COL5A1: variants seen among roughly 807,000 people sequenced by gnomAD.
The protein encoded by COL5A1 is collagen type V alpha 1 chain.
A neutral mutation model predicts 263.7 loss-of-function variants in COL5A1; 16 were observed. That is an observed-to-expected ratio of 0.06 (90% CI 0.04 to 0.09). The LOEUF is 0.09. Ranked by LOEUF, COL5A1 falls within the 10% of genes least tolerant of loss-of-function variation. The pLI, the probability that COL5A1 is intolerant of heterozygous loss-of-function variation, is 1.00. For missense variants in COL5A1, 2,036 were observed against 2,540.5 expected (o/e 0.80, Z 4.27); for synonymous variants, 1,012 against 1,004.5 (o/e 1.01, Z -0.14).
At position 134,816,537 on chromosome 9, in the gene COL5A1, C is replaced by T. The variant is rs113243819; in HGVS notation, c.4123-489C>T. ...CCACCTTGCACCCAGCCTGGCCAAGCGCGGGGGACTGCGGACCTGAGGGCA... is the reference window on the plus strand; with the variant it reads ...CCACCTTGCACCCAGCCTGGCCAAGTGCGGGGGACTGCGGACCTGAGGGCA... On this transcript the variant is annotated intron_variant, in intron 52 of 65. Transcript: ENST00000371817. Among the ~76,000 whole-genome samples the T allele has an allele frequency of 1.7e-3, 252 of 152,362 alleles. 2 individuals carry two copies. The highest frequency in any genetic ancestry group is 2.9e-3 in the Non-Finnish European group (195 of 68,034).
Position 134,696,455 on chromosome 9 carries a change from G to A in COL5A1, c.278-3454G>A, listed in dbSNP as rs1373437738. On this transcript the variant is annotated intron_variant, in intron 2 of 65. Coordinates refer to ENST00000371817, the MANE Select transcript of COL5A1 (RefSeq NM_000093.5). This position sits in a 1 kb window ranked among gnomAD's most constrained non-coding sequence, Gnocchi z 4.3. Reference sequence around the variant, plus strand: ...GCCTCCCAAAGTGCTGGGATTACAGGCATGAACCACCTCGCCCAGCCTGCA... The same window carrying A: ...GCCTCCCAAAGTGCTGGGATTACAGACATGAACCACCTCGCCCAGCCTGCA... Among the ~76,000 whole-genome samples, 2 of 152,122 alleles carry A rather than the reference G, an allele frequency of 1.3e-5. No homozygotes were observed. The highest frequency in any genetic ancestry group is 3.9e-4 in the East Asian group (2 of 5,168).
intron 29 of COL5A1, 63 bp from the exon 30 acceptor site, chr9:134,784,926 G>C (rs989088366): frequency 1.5e-6 from 2 of 1,341,076 alleles, no homozygotes; most frequent in South Asian, 1.2e-5. Context: ...CTCTCAGAAT[G>C]GTGGTGGAGA....
Position 134,731,938 on chromosome 9 carries a change from C to T in COL5A1, c.1333-133C>T, listed in dbSNP as rs887863580. 1.3e-5 allele frequency: 14 copies of T among 1,087,334 alleles called. No homozygotes were observed. In the South Asian group the frequency reaches 1.8e-4, roughly 14 times the overall value. The allele number at this position is 1,087,334 out of a possible 1,614,324, so 67.4% of individuals were successfully genotyped here. A position where few individuals can be genotyped will look rare whatever the true frequency, so the allele number is the denominator to read the frequency against. ...GCCTCTGTCACGCTCCTGCCATCCT[C>T]CTGGGCCTGGGGAGATGCCCAGCTA... is the stretch of plus-strand genomic sequence containing the variant. On this transcript the variant is annotated intron_variant, in intron 8 of 65. Transcript: ENST00000371817.
intron 27 of COL5A1, among the ~76,000 whole-genome samples, chr9:134,777,617 T>G (rs943212007): frequency 1.3e-5 from 2 of 151,786 alleles, no homozygotes; most frequent in African/African-American, 4.8e-5. Context: ...ATTCCTCCGA[T>G]GGGGATCCTC....
chr9:134,663,549 T>C (rs1469308685), intron 1 of COL5A1, among the ~76,000 whole-genome samples: 1 of 152,246 alleles, frequency 6.6e-6, no homozygotes, highest in East Asian at 1.9e-4. Flanking sequence ...ATATCTATTT[T>C]TAATGAAAAT....
intron 1 of COL5A1, among the ~76,000 whole-genome samples, chr9:134,657,966 G>T (rs1414526836): frequency 6.6e-6 from 1 of 151,912 alleles, no homozygotes; most frequent in Non-Finnish European, 1.5e-5. Flanking sequence ...GGCCTGTCGG[G>T]TGGGCTTCAC....
Position 134,700,650 on chromosome 9 carries a change from C to A in COL5A1, c.492-521C>A, listed in dbSNP as rs1276383160. Among the ~76,000 whole-genome samples, 2 of 152,222 alleles carry A rather than the reference C, an allele frequency of 1.3e-5. No individual in the cohort carries two copies. Among genetic ancestry groups the A allele is most frequent in the Non-Finnish European group, 2.9e-5 (2 of 68,048 alleles). On this transcript the variant is annotated intron_variant, in intron 3 of 65. Transcript: ENST00000371817. The surrounding 1 kb of genome is among the most constrained non-coding windows in gnomAD (Gnocchi z 4.0). ...GTCTTCAATACATGATTTCTGAATT[C>A]TTCGCCAAGACTTTCAGACAGATCC...
Position 134,818,472 on chromosome 9 carries a change from C to T in COL5A1, c.4231-184C>T, listed in dbSNP as rs1288840127. ...GATCCCTGCTGGCCTGGGAGATGAT[C>T]GGGATGGAGACTTGACCAGGGCAGC... On this transcript the variant is annotated intron_variant, in intron 54 of 65. Transcript: ENST00000371817. This position sits in a 1 kb window ranked among gnomAD's most constrained non-coding sequence, Gnocchi z 6.0. 2.0e-5 allele frequency among the ~76,000 whole-genome samples: 3 copies of T among 152,114 alleles called. No homozygotes were observed. The highest frequency in any genetic ancestry group is 6.5e-5 in the Admixed American group (1 of 15,280).
At chr9:134,720,883 G>C (rs1025724568) in intron 4 of COL5A1, among the ~76,000 whole-genome samples, 1 of 152,162 alleles carries the variant, frequency 6.6e-6, no homozygotes, top group African/African-American at 2.4e-5. Flanking sequence ...CTGACAGAAG[G>C]AGGGGCGTCC....
chr9:134,681,097 C>T lies in COL5A1; in HGVS notation c.110-9815C>T, dbSNP rs958894603. ...TGAGGAAGAATTTCAGTCGCAGCCT[C>T]CAGAGCGCCTCTGTTTTTCGACCTG... On this transcript the variant is annotated intron_variant, in intron 1 of 65. Transcript: ENST00000371817. This position sits in a 1 kb window ranked among gnomAD's most constrained non-coding sequence, Gnocchi z 4.3. 6.6e-6 allele frequency among the ~76,000 whole-genome samples: 1 copy of T among 152,168 alleles called. No homozygotes were observed. Among genetic ancestry groups the T allele is most frequent in the East Asian group, 1.9e-4 (1 of 5,182 alleles).
chr9:134,766,420 A>C (rs755780930), intron 21 of COL5A1, 34 bp from the exon 22 acceptor site: 2 of 1,610,994 alleles, frequency 1.2e-6, no homozygotes, highest in Admixed American at 3.3e-5. Flanking sequence ...TTTCGCATTC[A>C]GTTACATGTT....
chr9:134,696,731 C>T lies in COL5A1; in HGVS notation c.278-3178C>T, dbSNP rs1833483625. ...AAATGCATTTATTGTACTCCTACTGCATACCTAAAATGCTCTAGTGCCTTT... is the reference window on the plus strand; with the variant it reads ...AAATGCATTTATTGTACTCCTACTGTATACCTAAAATGCTCTAGTGCCTTT... On this transcript the variant is annotated intron_variant, in intron 2 of 65. Transcript: ENST00000371817. This position sits in a 1 kb window ranked among gnomAD's most constrained non-coding sequence, Gnocchi z 4.3. Among the ~76,000 whole-genome samples the T allele has an allele frequency of 6.6e-6, 1 of 152,192 alleles. No homozygotes were observed. Among genetic ancestry groups the T allele is most frequent in the African/African-American group, 2.4e-5 (1 of 41,442 alleles).
chr9:134,834,589 A>G (rs932597297), intron 64 of COL5A1, among the ~76,000 whole-genome samples: 5 of 152,200 alleles, frequency 3.3e-5, no homozygotes, highest in Admixed American at 3.3e-4. Flanking sequence ...CTGAACTTAT[A>G]GTCTGCTAGG....
chr9:134,683,712 G>T (rs559736041), intron 1 of COL5A1, among the ~76,000 whole-genome samples: 1 of 152,158 alleles, frequency 6.6e-6, no homozygotes, highest in African/African-American at 2.4e-5. Context: ...TGTTCCTGCC[G>T]CCCTTTGATA....
At chr9:134,836,722 C>A (rs1839866480) in intron 65 of COL5A1, among the ~76,000 whole-genome samples, 1 of 152,218 alleles carries the variant, frequency 6.6e-6, no homozygotes, top group Admixed American at 6.5e-5. Flanking sequence ...TGGCCCTCAC[C>A]CATAGGACGC....
rs1839014106 is a variant in COL5A1, at chr9:134,821,837, A to T, written c.4555-260A>T. Among the ~76,000 whole-genome samples the T allele has an allele frequency of 6.6e-6, 1 of 152,078 alleles. No homozygotes were observed. Among genetic ancestry groups the T allele is most frequent in the Admixed American group, 6.5e-5 (1 of 15,282 alleles). ...CCTGAAGTCCTCGGTGGCCTGGGGG[A>T]TGAGAGTGAGTTCCTGGCAGCCCAG... On this transcript the variant is annotated intron_variant, in intron 58 of 65. Transcript: ENST00000371817. The surrounding 1 kb of genome is among the most constrained non-coding windows in gnomAD (Gnocchi z 4.2).
Position 134,663,759 on chromosome 9 carries a change from G to T in COL5A1, c.109+21463G>T, listed in dbSNP as rs547912945. Among the ~76,000 whole-genome samples the T allele has an allele frequency of 3.9e-5, 6 of 152,342 alleles. No homozygotes were observed. In the South Asian group the frequency reaches 1.2e-3, roughly 32 times the overall value. On this transcript the variant is annotated intron_variant, in intron 1 of 65. Transcript: ENST00000371817. ...CCCTGAGGACTTGGACTTGGACTTT[G>T]TCATGCCACATTAGAGTGCAGGCAT...
At position 134,754,697 on chromosome 9, in the gene COL5A1, A is replaced by G. The variant is rs1022038850; in HGVS notation, c.1827+371A>G. On this transcript the variant is annotated intron_variant, in intron 16 of 65. Coordinates refer to ENST00000371817, the MANE Select transcript of COL5A1 (RefSeq NM_000093.5). The surrounding 1 kb of genome is among the most constrained non-coding windows in gnomAD (Gnocchi z 4.3). ...TCCAGAAATGGCCTGATTCGGGGGCATGGGCGGGCCTTCCTGCGCCTTACC... is the reference window on the plus strand; with the variant it reads ...TCCAGAAATGGCCTGATTCGGGGGCGTGGGCGGGCCTTCCTGCGCCTTACC... Among the ~76,000 whole-genome samples the G allele has an allele frequency of 1.3e-5, 2 of 152,188 alleles. No homozygotes were observed. The highest frequency in any genetic ancestry group is 2.4e-5 in the African/African-American group (1 of 41,442).
chr9:134,781,569 A>AG (rs1837256404), intron 28 of COL5A1, among the ~76,000 whole-genome samples: 1 of 152,210 alleles, frequency 6.6e-6, no homozygotes, highest in African/African-American at 2.4e-5. Flanking sequence ...CCCTAGCCAG[A>AG]GACAGGGCTG....
Sources: allele counts gnomAD v4.1 joint callset (sites outside exome capture counted in the v4.1 genomes callset), GRCh38; gene constraint gnomAD v4.1.1; non-coding constraint Gnocchi (gnomAD v3.1); transcripts MANE v1.5; gene names NCBI Gene and HGNC (gene_info 2026-07-23, HGNC 2026-07-21).